Variants in DNAH11 observed in about 807,000 individuals in gnomAD.
DNAH11 encodes the protein dynein axonemal heavy chain 11.
Under a neutral mutation model 526.0 loss-of-function variants are expected in DNAH11, and 442 were observed. The ratio of observed to expected loss-of-function variants is 0.84; its 90% CI spans 0.78 to 0.91. The LOEUF (loss-of-function observed/expected upper bound fraction) is 0.91. Among genes scored for constraint, DNAH11 ranks in the 40% least tolerant of loss-of-function variants. DNAH11 has a pLI of 0.00. For synonymous variants in DNAH11, 2,461 were observed against 1,935.9 expected (o/e 1.27, Z -7.12); for missense variants, 6,989 against 5,448.7 (o/e 1.28, Z -8.90).
intron 76 of DNAH11, among the ~76,000 whole-genome samples, chr7:21,887,080 A>T (rs2128045060): frequency 6.6e-6 from 1 of 152,350 alleles, no homozygotes; most frequent in East Asian, 1.9e-4. Context: ...GCCACTTCCC[A>T]CAAGTGGTTA....
rs949410187 is a variant in DNAH11 at position 21,617,599 on chromosome 7, T to C, written c.4096-20T>C. Reference sequence around the variant, plus strand: ...GTGTTATATCTTGGGAGCTAGGTTTTTTCCTCCACTTTTCTTTAGGAAATT... The same window carrying C: ...GTGTTATATCTTGGGAGCTAGGTTTCTTCCTCCACTTTTCTTTAGGAAATT... On this transcript the variant is annotated intron_variant, in intron 22 of 81. Coordinates refer to ENST00000409508, the MANE Select transcript of DNAH11 (RefSeq NM_001277115.2). 10 of 1,613,324 alleles carry C rather than the reference T, an allele frequency of 6.2e-6. No homozygotes were observed. The highest frequency in any genetic ancestry group is 2.2e-5 in the East Asian group (1 of 44,850).
Position 21,569,663 on chromosome 7 carries a change from C to A in DNAH11, c.1195-406C>A, listed in dbSNP as rs150997200. 3.2e-4 allele frequency among the ~76,000 whole-genome samples: 48 copies of A among 152,238 alleles called. No homozygotes were observed. The East Asian group carries it at 8.5e-3, about 27-fold the overall frequency. ...CTCTTTACAAGTGGTCCTGAACTAC[C>A]AGGTAAAGTGAGCATACTTTAAAAA... is the stretch of plus-strand genomic sequence containing the variant. On this transcript the variant is annotated intron_variant, in intron 6 of 81. Transcript: ENST00000409508.
intron 61 of DNAH11, among the ~76,000 whole-genome samples, chr7:21,798,663 A>G (rs1244984578): frequency 6.6e-6 from 1 of 152,158 alleles, no homozygotes; most frequent in African/African-American, 2.4e-5. Context: ...TGCAAGTTAT[A>G]TAAGGCATTG....
intron 45 of DNAH11, among the ~76,000 whole-genome samples, chr7:21,731,813 C>T (rs1005492983): frequency 6.6e-6 from 1 of 152,164 alleles, no homozygotes; most frequent in Non-Finnish European, 1.5e-5. Context: ...ATCCGGCTGT[C>T]TTGGTGACCA....
chr7:21,882,267 T>G (rs896022492), intron 75 of DNAH11, among the ~76,000 whole-genome samples: 3 of 152,128 alleles, frequency 2.0e-5, no homozygotes, highest in African/African-American at 7.2e-5. Flanking sequence ...ACCAACCGAG[T>G]CACACTGTGT....
At chr7:21,632,862 C>G (rs568250957) in intron 25 of DNAH11, among the ~76,000 whole-genome samples, 1 of 152,172 alleles carries the variant, frequency 6.6e-6, no homozygotes, top group Admixed American at 6.5e-5. Flanking sequence ...AATAGCACCC[C>G]ACCCTATTGG....
At chr7:21,830,002 T>C (rs1207612642) in intron 65 of DNAH11, among the ~76,000 whole-genome samples, 1 of 152,248 alleles carries the variant, frequency 6.6e-6, no homozygotes, top group Non-Finnish European at 1.5e-5. Context: ...TTGAAGAAGT[T>C]AGACGTCTTT....
chr7:21,621,306 G>T lies in DNAH11; in HGVS notation c.4500+1228G>T, dbSNP rs13162080. ...GACTCTCTGAATAGACCAATAACAG[G>T]CTCCGAAATTGTGGCAATAATCAAT... On this transcript the variant is annotated intron_variant, in intron 25 of 81. Transcript: ENST00000409508. Among the ~76,000 whole-genome samples the T allele has an allele frequency of 0.015, 2,350 of 152,206 alleles. 80 individuals carry two copies. The East Asian group carries it at 0.16, about 11-fold the overall frequency.
chr7:21,749,825 G>A (rs1439457180), intron 53 of DNAH11, 24 bp downstream of exon 53: 5 of 1,611,830 alleles, frequency 3.1e-6, no homozygotes, highest in Non-Finnish European at 4.2e-6. Context: ...CACATTTCTT[G>A]AAAGATCTTC....
At chr7:21,844,390 A>T (rs1386964140) in intron 66 of DNAH11, among the ~76,000 whole-genome samples, 1 of 152,212 alleles carries the variant, frequency 6.6e-6, no homozygotes, top group South Asian at 2.1e-4. Flanking sequence ...GTGCCACTGC[A>T]CTCCAGCCTG....
In DNAH11 at chr7:21,705,538, G is replaced by T; in HGVS notation, c.6546+1G>T. On this transcript the variant is annotated splice_donor_variant, in intron 39 of 81. Coordinates refer to ENST00000409508, the MANE Select transcript of DNAH11 (RefSeq NM_001277115.2). LOFTEE classifies it high-confidence loss of function. ...AAATGCAGGCACAGGAAAGAGTAAG[G>T]TATAGTAAATTGCCTAATAGCTTAC... 2 of 1,613,234 alleles carry T rather than the reference G, an allele frequency of 1.2e-6. No individual in the cohort carries two copies. The highest frequency in any genetic ancestry group is 8.5e-7 in the Non-Finnish European group (1 of 1,179,388).
chr7:21,591,316 G>A lies in DNAH11; in HGVS notation c.2406G>A (p.Trp802Ter), dbSNP rs1310930757. Residue 802 changes from tryptophan to a stop codon, truncating the protein, a stop_gained, in exon 14 of 82, where the codon TGG (tryptophan) becomes TGA (stop). Coordinates refer to ENST00000409508, the MANE Select transcript of DNAH11 (RefSeq NM_001277115.2). LOFTEE classifies it high-confidence loss of function. ...AGCAGCTGACAGCAGCCACAACGTGGCTGACATGGCAGGATGACTGCTGGG... is the reference window on the plus strand; with the variant it reads ...AGCAGCTGACAGCAGCCACAACGTGACTGACATGGCAGGATGACTGCTGGG... ...IDEQLTAATT[W>*]LTWQDDCWGY... is the part of the protein sequence containing the mutation. The A allele has an allele frequency of 4.3e-6, 7 of 1,613,846 alleles. No individual in the cohort carries two copies. The highest frequency in any genetic ancestry group is 5.9e-6 in the Non-Finnish European group (7 of 1,179,858).
intron 6 of DNAH11, among the ~76,000 whole-genome samples, chr7:21,566,412 T>C (rs2128434361): frequency 6.6e-6 from 1 of 152,314 alleles, no homozygotes; most frequent in South Asian, 2.1e-4. Flanking sequence ...AATTAGCCAA[T>C]GTCCATAGCT....
chr7:21,591,698 T>A, intron 14 of DNAH11, 121 bp downstream of exon 14: 1 of 1,020,690 alleles, frequency 9.8e-7, no homozygotes, highest in Non-Finnish European at 1.3e-6. Flanking sequence ...TTATGAATGG[T>A]ATTATTAGGC....
At chr7:21,798,570 G>T (rs569910964) in intron 61 of DNAH11, among the ~76,000 whole-genome samples, 6 of 152,294 alleles carry the variant, frequency 3.9e-5, no homozygotes, top group African/African-American at 1.2e-4. Context: ...AGAAGGTTTG[G>T]GTTCATAGCC....
intron 1 of DNAH11, among the ~76,000 whole-genome samples, chr7:21,543,970 T>TA (rs1436997572): frequency 6.6e-6 from 1 of 152,082 alleles, no homozygotes; most frequent in African/African-American, 2.4e-5. Context: ...TCACATCCTT[T>TA]AAAAAATGGG....
intron 55 of DNAH11, 140 bp from the exon 56 acceptor site, chr7:21,773,626 G>T: frequency 1.5e-6 from 1 of 655,014 alleles, no homozygotes; most frequent in South Asian, 2.6e-5. Flanking sequence ...AGCGCTTAAA[G>T]ATTAAATAAG....
chr7:21,765,296 A>T, intron 54 of DNAH11, 132 bp from the exon 55 acceptor site: 2 of 1,313,614 alleles, frequency 1.5e-6, no homozygotes, highest in Non-Finnish European at 2.1e-6. Flanking sequence ...GTTGCTGTCC[A>T]CTCTCTAGGG....
At chr7:21,552,390 A>G (rs1783055549) in intron 2 of DNAH11, among the ~76,000 whole-genome samples, 1 of 152,204 alleles carries the variant, frequency 6.6e-6, no homozygotes, top group Non-Finnish European at 1.5e-5. Flanking sequence ...GTCTTAGGCA[A>G]AGGCAGACCC....
Sources: allele counts gnomAD v4.1 joint callset (sites outside exome capture counted in the v4.1 genomes callset), GRCh38; gene constraint gnomAD v4.1.1; transcripts MANE v1.5; gene names NCBI Gene and HGNC (gene_info 2026-07-23, HGNC 2026-07-21).